The following INSIG1 variants were observed in gnomAD, a reference collection of about 807,000 sequenced individuals.
The protein encoded by INSIG1 is insulin induced gene 1.
INSIG1 carries 14 observed loss-of-function variants against 26.5 expected under a neutral mutation model. The observed-to-expected ratio is 0.53, with a 90% CI of 0.35 to 0.83. The LOEUF (loss-of-function observed/expected upper bound fraction) is 0.83, where lower values mean the gene tolerates loss of function less well. INSIG1 is among the 40% of genes least tolerant of loss of function. INSIG1 has a pLI of 0.01. For synonymous variants in INSIG1, 147 were observed against 153.3 expected (o/e 0.96, Z 0.30); for missense variants, 272 against 368.9 (o/e 0.74, Z 2.15).
At chr7:155,307,536 ATTAAGAAT>A (rs1304538932) in intron 5 of INSIG1, among the ~76,000 whole-genome samples, 1 of 152,194 alleles carries the variant, frequency 6.6e-6, no homozygotes, top group Admixed American at 6.5e-5. Context: ...ACTGTTCTCC[ATTAAGAAT>A]TTACCCTGAG....
Position 155,302,288 on chromosome 7 carries a change from C to G in INSIG1, c.575C>G (p.Thr192Ser). The change falls in exon 4 of 6, where the codon ACT (threonine) becomes AGT (serine). Residue 192 changes from threonine to serine, a missense_variant. This residue lies in a region of INSIG1 where 111 missense variants were observed against 189.8 expected (regional missense o/e 0.58). Transcript: ENST00000340368. The surrounding 1 kb of genome is among the most constrained non-coding windows in gnomAD (Gnocchi z 4.3). The part of the protein sequence containing the change: ...DFANNVQLSL[T>S]LAALSLGLWW... The stretch of plus-strand genomic sequence containing the variant: ...GCCAATAATGTCCAGCTGTCCTTGA[C>G]TTTAGCAGCCCTATCTTTGGGCCTT... 1.3e-6 allele frequency: 2 copies of G among 1,598,802 alleles called. No homozygotes were observed. Among genetic ancestry groups the G allele is most frequent in the Non-Finnish European group, 1.7e-6 (2 of 1,174,136 alleles).
rs780243659 is a variant in INSIG1 at position 155,308,406 on chromosome 7, A to C, written c.*136A>C. On this transcript the variant is annotated 3_prime_UTR_variant, in exon 6 of 6. Transcript: ENST00000340368. ...ACTGTACAAATGACTCCTGGAAAAAACTCTTCACCTAGTCTAGAATAGGGA... is the reference window on the plus strand; with the variant it reads ...ACTGTACAAATGACTCCTGGAAAAACCTCTTCACCTAGTCTAGAATAGGGA... 9.8e-7 allele frequency: 1 copy of C among 1,023,406 alleles called. No individual in the cohort carries two copies. Among genetic ancestry groups the C allele is most frequent in the Non-Finnish European group, 1.5e-6 (1 of 650,592 alleles). The allele number at this position is 1,023,406 out of a possible 1,614,324, so 63.4% of individuals were successfully genotyped here.
At chr7:155,308,182 ATATT>A in intron 5 of INSIG1, 55 bp from the exon 6 acceptor site, 1 of 870,020 alleles carries the variant, frequency 1.1e-6, no homozygotes, top group South Asian at 1.5e-5. Flanking sequence ...GGTAATTAAA[ATATT>A]TATACATTTA....
At chr7:155,303,742 C>A in intron 5 of INSIG1, 4 of 621,044 alleles carry the variant, frequency 6.4e-6, no homozygotes, top group South Asian at 1.9e-5. Flanking sequence ...AAACCTAGAG[C>A]TGTTGCTCTC....
rs1797676931 is a variant in INSIG1, at chr7:155,298,256, C to T, written c.-27-3C>T. The T allele has an allele frequency of 4.8e-6, 7 of 1,456,784 alleles. No homozygotes were observed. The highest frequency in any genetic ancestry group is 6.3e-6 in the Non-Finnish European group (7 of 1,107,844). 90.2% of individuals were successfully genotyped at this position (1,456,784 alleles called of 1,614,324 possible). On this transcript the variant is annotated splice_region_variant and splice_polypyrimidine_tract_variant and intron_variant, in intron 1 of 5. Coordinates refer to ENST00000340368, the MANE Select transcript of INSIG1 (RefSeq NM_005542.6). Reference sequence around the variant, plus strand: ...AGTGAACTTGATGACCCCCTTCTTCCAGGAAGCGCCTCTTGGACGCGTGTG... The same window carrying T: ...AGTGAACTTGATGACCCCCTTCTTCTAGGAAGCGCCTCTTGGACGCGTGTG...
intron 5 of INSIG1, among the ~76,000 whole-genome samples, chr7:155,305,470 C>G (rs891130725): frequency 3.3e-5 from 5 of 152,188 alleles, no homozygotes; most frequent in African/African-American, 1.2e-4. Context: ...GCAGCCTTCC[C>G]CACATTCCAC....
chr7:155,302,927 T>A lies in INSIG1; in HGVS notation c.804+81T>A, dbSNP rs1797830109. 1.0e-6 allele frequency: 1 copy of A among 964,874 alleles called. No homozygotes were observed. Among genetic ancestry groups the A allele is most frequent in the South Asian group, 1.4e-5 (1 of 71,530 alleles). 59.8% of individuals were successfully genotyped at this position (964,874 alleles called of 1,614,324 possible). ...ATGACTTTACATGATACATTCAAAT[T>A]TGCGTTCATATATTCTGGTTCAGAC... On this transcript the variant is annotated intron_variant, in intron 5 of 5. Transcript: ENST00000340368. This position sits in a 1 kb window ranked among gnomAD's most constrained non-coding sequence, Gnocchi z 4.3.
Position 155,309,024 on chromosome 7 carries a change from T to TA in INSIG1, c.*755dup, listed in dbSNP as rs1798015714. The TA allele has an allele frequency of 6.6e-6, 1 of 152,668 alleles. No individual in the cohort carries two copies. Among genetic ancestry groups the TA allele is most frequent in the Non-Finnish European group, 1.5e-5 (1 of 68,042 alleles). The allele number at this position is 152,668 out of a possible 1,614,324, so 9.5% of individuals were successfully genotyped here. ...TTTATGAAGTTTATTTCGAAATCCA[T>TA]AGTCATCTAAGAATGAATACCTGTC... On this transcript the variant is annotated 3_prime_UTR_variant, in exon 6 of 6. Transcript: ENST00000340368.
rs147365058 is a variant in INSIG1, at chr7:155,302,388, G to A, written c.675G>A (p.Thr225=). 4.7e-5 allele frequency: 75 copies of A among 1,607,196 alleles called. 1 individual carries two copies. In the East Asian group the frequency reaches 1.5e-3, roughly 31 times the overall value. The change falls in exon 4 of 6, where the codon ACG becomes ACA. Residue 225 remains threonine (T), a synonymous_variant. Coordinates refer to ENST00000340368, the MANE Select transcript of INSIG1 (RefSeq NM_005542.6). This position sits in a 1 kb window ranked among gnomAD's most constrained non-coding sequence, Gnocchi z 4.3. ...ITIAFLATLI[T]QFLVYNGVYQ... ...TAGCTTTTCTAGCTACGCTGATCAC[G>A]CAGTTTCTCGTGTATAATGGTGTCT...
At chr7:155,298,754 T>A in intron 2 of INSIG1, 57 bp downstream of exon 2, 1 of 1,476,572 alleles carries the variant, frequency 6.8e-7, no homozygotes, top group Non-Finnish European at 9.2e-7. Context: ...CGGTTGAAAG[T>A]ACTTTTCAGC....
chr7:155,307,011 C>T (rs560250569), intron 5 of INSIG1, among the ~76,000 whole-genome samples: 14 of 152,340 alleles, frequency 9.2e-5, no homozygotes, highest in African/African-American at 3.4e-4. Context: ...TTCTAAAAGT[C>T]CACTTCCCAT....
chr7:155,302,723 G>C lies in INSIG1; in HGVS notation c.705-24G>C. 1.3e-6 allele frequency: 2 copies of C among 1,482,836 alleles called. No homozygotes were observed. The highest frequency in any genetic ancestry group is 1.1e-5 in the South Asian group (1 of 88,188). The allele number at this position is 1,482,836 out of a possible 1,614,324, so 91.9% of individuals were successfully genotyped here. A position where few individuals can be genotyped will look rare whatever the true frequency, so the allele number is the denominator to read the frequency against. ...GAGCCAGGTGAAATTGACTGCTAAG[G>C]TACAGTTTCTTTTCTCGCTCCAGGT... On this transcript the variant is annotated intron_variant, in intron 4 of 5. Transcript: ENST00000340368. The surrounding 1 kb of genome is among the most constrained non-coding windows in gnomAD (Gnocchi z 4.3).
At position 155,308,518 on chromosome 7, in the gene INSIG1, A is replaced by G. The variant is rs1211798518; in HGVS notation, c.*248A>G. On this transcript the variant is annotated 3_prime_UTR_variant, in exon 6 of 6. Coordinates refer to ENST00000340368, the MANE Select transcript of INSIG1 (RefSeq NM_005542.6). ...TGCCCTGGAGCATTCTGCCCAGGCT[A>G]CGTGGGTTCAGGCAGGTGGCAGCTT... 2 of 523,564 alleles carry G rather than the reference A, an allele frequency of 3.8e-6. No homozygotes were observed. The highest frequency in any genetic ancestry group is 3.7e-5 in the African/African-American group (2 of 53,376). 32.4% of individuals were successfully genotyped at this position (523,564 alleles called of 1,614,324 possible).
At chr7:155,306,026 CT>C (rs1397606063) in intron 5 of INSIG1, among the ~76,000 whole-genome samples, 5 of 152,128 alleles carry the variant, frequency 3.3e-5, no homozygotes, top group African/African-American at 1.2e-4. Context: ...GAGACGGAGT[CT>C]TGCTTTGTCA....
chr7:155,307,995 T>C (rs1258771196), intron 5 of INSIG1, among the ~76,000 whole-genome samples: 1 of 152,188 alleles, frequency 6.6e-6, no homozygotes, highest in East Asian at 1.9e-4. Context: ...AGGCAGAGAA[T>C]TATCCTAATT....
At chr7:155,306,610 G>C (rs893494423) in intron 5 of INSIG1, among the ~76,000 whole-genome samples, 5 of 152,256 alleles carry the variant, frequency 3.3e-5, no homozygotes, top group African/African-American at 1.2e-4. Context: ...TGCACAGGAG[G>C]CATTGTGCTG....
At chr7:155,304,084 G>A (rs1206093143) in intron 5 of INSIG1, among the ~76,000 whole-genome samples, 3 of 148,838 alleles carry the variant, frequency 2.0e-5, no homozygotes, top group East Asian at 2.0e-4. Flanking sequence ...CCGCTTCAGC[G>A]TCCCGAGTAG....
chr7:155,308,282 C>A lies in INSIG1; in HGVS notation c.*12C>A. On this transcript the variant is annotated 3_prime_UTR_variant, in exon 6 of 6. Coordinates refer to ENST00000340368, the MANE Select transcript of INSIG1 (RefSeq NM_005542.6). ...CCCATAGTGATTGAGTCTTCAAAACCACCGATTCTGAGAGCAAGGAAGATT... is the reference window on the plus strand; with the variant it reads ...CCCATAGTGATTGAGTCTTCAAAACAACCGATTCTGAGAGCAAGGAAGATT... The A allele has an allele frequency of 6.2e-7, 1 of 1,612,660 alleles. No individual in the cohort carries two copies. Among genetic ancestry groups the A allele is most frequent in the Non-Finnish European group, 8.5e-7 (1 of 1,178,918 alleles).
chr7:155,303,675 T>A (rs1797855143), intron 5 of INSIG1: 1 of 294,152 alleles, frequency 3.4e-6, no homozygotes, highest in African/African-American at 2.2e-5. Flanking sequence ...GACTTTTAAA[T>A]GTTATTTTGA....
Sources: allele counts gnomAD v4.1 joint callset (sites outside exome capture counted in the v4.1 genomes callset), GRCh38; gene constraint gnomAD v4.1.1; regional missense constraint gnomAD v4.1.1; non-coding constraint Gnocchi (gnomAD v3.1); transcripts MANE v1.5; gene names NCBI Gene and HGNC (gene_info 2026-07-23, HGNC 2026-07-21).